GABRP: variants seen among roughly 807,000 people sequenced by gnomAD.
GABRP encodes gamma-aminobutyric acid receptor subunit pi.
Under a neutral mutation model 47.8 loss-of-function variants are expected in GABRP, and 52 were observed. The ratio of observed to expected loss-of-function variants is 1.09; its 90% CI spans 0.87 to 1.37. GABRP has a LOEUF of 1.37. Among genes scored for constraint, GABRP ranks in the 40% most tolerant of loss-of-function variants. The pLI, the probability that GABRP is intolerant of heterozygous loss-of-function variation, is 0.00. For missense variants in GABRP, 525 were observed against 542.8 expected, an observed-to-expected ratio of 0.97 and a Z score of 0.33; for synonymous variants, 221 against 205.8, an observed-to-expected ratio of 1.07 and a Z score of -0.63.
intron 1 of GABRP, among the ~76,000 whole-genome samples, chr5:170,787,970 T>C (rs1021233411): frequency 2.0e-4 from 30 of 152,314 alleles, no homozygotes; most frequent in African/African-American, 6.7e-4. Context: ...CCAGCAGATA[T>C]GGCCCAGAGG....
intron 3 of GABRP, among the ~76,000 whole-genome samples, chr5:170,790,369 G>A (rs1432314748): frequency 6.6e-6 from 1 of 152,126 alleles, no homozygotes; most frequent in Non-Finnish European, 1.5e-5. Flanking sequence ...AAGTGTGTAA[G>A]CCTGAGGCAC....
intron 6 of GABRP, among the ~76,000 whole-genome samples, chr5:170,804,185 C>CAT (rs70982304): frequency 7.9e-4 from 118 of 149,078 alleles, no homozygotes; most frequent in Non-Finnish European, 1.1e-3. Flanking sequence ...TCTTTGTATG[C>CAT]ATATATATAT....
chr5:170,812,232 T>C lies in GABRP; in HGVS notation c.1297T>C (p.Tyr433His), dbSNP rs372956328. The change falls in exon 10 of 10, where the codon TAC becomes CAC. Residue 433 changes from tyrosine to histidine, a missense_variant. Physicochemically the swap from Tyr to His is moderately conservative, Grantham distance 83. Transcript: ENST00000265294. ...GATTTTTATGCTAGCCAATGTATTT[T>C]ACTGGGCATACTACATGTATTTTTG... ...PLIFMLANVF[Y>H]WAYYMYF The C allele has an allele frequency of 9.9e-6, 16 of 1,612,586 alleles. No homozygotes were observed. Among genetic ancestry groups the C allele is most frequent in the Non-Finnish European group, 1.4e-5 (16 of 1,178,928 alleles).
intron 5 of GABRP, 116 bp from the exon 6 acceptor site, chr5:170,797,350 C>T (rs1389392724): frequency 5.7e-6 from 4 of 703,248 alleles, no homozygotes; most frequent in Non-Finnish European, 1.1e-5. Context: ...AGACTCCAAG[C>T]TACATGTTCA....
intron 5 of GABRP, among the ~76,000 whole-genome samples, chr5:170,797,001 C>A (rs1045881733): frequency 6.6e-6 from 1 of 152,192 alleles, no homozygotes; most frequent in Non-Finnish European, 1.5e-5. Context: ...GGAGGCAGGG[C>A]CTCATGAGAA....
At chr5:170,803,742 GTGGT>G (rs3079467) in intron 6 of GABRP, among the ~76,000 whole-genome samples, 8,375 of 148,070 alleles carry the variant, frequency 0.057, 716 homozygotes, top group African/African-American at 0.18. Flanking sequence ...CATGCACTAT[GTGGT>G]TGGTTGGTTG....
chr5:170,784,206 C>T (rs1765071877), intron 1 of GABRP, among the ~76,000 whole-genome samples: 1 of 152,232 alleles, frequency 6.6e-6, no homozygotes, highest in Admixed American at 6.5e-5. Flanking sequence ...TCGGGCTCTA[C>T]TCCTGCTTTC....
At chr5:170,799,890 C>A (rs1397902565) in intron 6 of GABRP, among the ~76,000 whole-genome samples, 1 of 152,146 alleles carries the variant, frequency 6.6e-6, no homozygotes, top group African/African-American at 2.4e-5. Context: ...TAGGAAGAAT[C>A]AATATCGTGA....
intron 1 of GABRP, among the ~76,000 whole-genome samples, chr5:170,784,354 GGTA>G (rs912786237): frequency 1.1e-4 from 17 of 151,932 alleles, no homozygotes; most frequent in African/African-American, 1.7e-4. Flanking sequence ...GAGTAGAAAC[GGTA>G]GTAGAAACTT....
rs747815272 is a variant in GABRP at position 170,795,350 on chromosome 5, C to A, written c.383C>A (p.Ser128Tyr). The A allele has an allele frequency of 6.2e-7, 1 of 1,614,058 alleles. No individual in the cohort carries two copies. The highest frequency in any genetic ancestry group is 1.1e-5 in the South Asian group (1 of 91,062). Residue 128 changes from serine to tyrosine, a missense_variant, in exon 5 of 10, where the codon TCC (serine) becomes TAC (tyrosine). Transcript: ENST00000265294. ...ACTTACATTGTGGAGTCCAAGAAGT[C>A]CTTCCTCCATGAAGTCACTGTGGGA... ...PDTYIVESKKSFLHEVTVGNR... is the reference protein window; with the variant it reads ...PDTYIVESKKYFLHEVTVGNR...
chr5:170,809,191 C>T (rs564622645), intron 8 of GABRP, among the ~76,000 whole-genome samples: 2 of 152,282 alleles, frequency 1.3e-5, no homozygotes, highest in East Asian at 3.9e-4. Context: ...CCCACCTTGG[C>T]CTCCCAAAGT....
rs182029832 is a variant in GABRP, at chr5:170,795,408, G to A, written c.441G>A (p.Thr147=). Reference sequence around the variant, plus strand: ...TCATCCGCCTCTTCTCCAATGGCACGGTCCTGTATGCCCTCAGGTACGCGG... The same window carrying A: ...TCATCCGCCTCTTCTCCAATGGCACAGTCCTGTATGCCCTCAGGTACGCGG... ...NRLIRLFSNG[T]VLYALRITTT... is the part of the protein sequence containing the mutation. The change falls in exon 5 of 10, where the codon ACG becomes ACA. Residue 147 remains threonine (T), a synonymous_variant. Coordinates refer to ENST00000265294, the MANE Select transcript of GABRP (RefSeq NM_014211.3). 1.9e-4 allele frequency: 303 copies of A among 1,613,992 alleles called. No individual in the cohort carries two copies. The highest frequency in any genetic ancestry group is 2.4e-4 in the Non-Finnish European group (285 of 1,179,966).
intron 3 of GABRP, 84 bp downstream of exon 3, chr5:170,789,331 G>A: frequency 1.3e-6 from 1 of 780,690 alleles, no homozygotes; most frequent in Non-Finnish European, 2.1e-6. Flanking sequence ...GGAGGTTTTA[G>A]TTGACTCCAT....
chr5:170,789,204 C>G lies in GABRP; in HGVS notation c.129C>G (p.Asn43Lys). 1 of 1,614,110 alleles carries G rather than the reference C, an allele frequency of 6.2e-7. No homozygotes were observed. Among genetic ancestry groups the G allele is most frequent in the Non-Finnish European group, 8.5e-7 (1 of 1,179,968 alleles). ...SDKLSLPGFE[N>K]LTAGYNKFLR... ...AGCTTTCCCTGCCTGGCTTTGAGAACCTCACAGCAGGATATAACAAATTTC... is the reference window on the plus strand; with the variant it reads ...AGCTTTCCCTGCCTGGCTTTGAGAAGCTCACAGCAGGATATAACAAATTTC... The change falls in exon 3 of 10, where the codon AAC (asparagine) becomes AAG (lysine). Residue 43 changes from asparagine to lysine, a missense_variant. By Grantham distance (94) the Asn-to-Lys change is moderately conservative. Coordinates refer to ENST00000265294, the MANE Select transcript of GABRP (RefSeq NM_014211.3).
intron 5 of GABRP, among the ~76,000 whole-genome samples, chr5:170,796,193 G>T (rs1037421092): frequency 5.3e-5 from 8 of 152,142 alleles, no homozygotes; most frequent in African/African-American, 1.9e-4. Flanking sequence ...ATAAAACAAG[G>T]GTTGAGCTAA....
At chr5:170,795,466 C>A in intron 5 of GABRP, 41 bp downstream of exon 5, 1 of 1,527,340 alleles carries the variant, frequency 6.5e-7, no homozygotes, top group Non-Finnish European at 9.1e-7. Context: ...AGGACGGCAG[C>A]TGGGAGAAAA....
At chr5:170,807,084 G>T (rs544783769) in intron 7 of GABRP, among the ~76,000 whole-genome samples, 1 of 152,148 alleles carries the variant, frequency 6.6e-6, no homozygotes, top group Admixed American at 6.5e-5. Context: ...TGGTAGCTGG[G>T]ACTATAGGTG....
intron 6 of GABRP, among the ~76,000 whole-genome samples, chr5:170,802,032 A>T (rs182957327): frequency 6.6e-6 from 1 of 152,350 alleles, no homozygotes; most frequent in Non-Finnish European, 1.5e-5. Context: ...CTTGACATTT[A>T]TCACTCGTGC....
At chr5:170,809,820 G>C in intron 9 of GABRP, 65 bp downstream of exon 9, 1 of 1,469,036 alleles carries the variant, frequency 6.8e-7, no homozygotes, top group African/African-American at 1.4e-5. Context: ...TGTAGACATG[G>C]GCTGGACCTG....
Sources: allele counts gnomAD v4.1 joint callset (sites outside exome capture counted in the v4.1 genomes callset), GRCh38; gene constraint gnomAD v4.1.1; transcripts MANE v1.5; gene names NCBI Gene and HGNC (gene_info 2026-07-23, HGNC 2026-07-21).